FAM153A: variants seen among roughly 807,000 people sequenced by gnomAD.
FAM153A encodes family with sequence similarity 153 member A.
In FAM153A, 12 loss-of-function variants were observed where a neutral mutation model predicts 48.1. That is an observed-to-expected ratio of 0.25 (90% CI 0.16 to 0.40). The LOEUF (loss-of-function observed/expected upper bound fraction) is 0.40, where lower values mean the gene tolerates loss of function less well. Ranked by LOEUF, FAM153A falls within the 10% of genes least tolerant of loss-of-function variation. The pLI, the probability that FAM153A is intolerant of heterozygous loss-of-function variation, is 1.00. For missense variants in FAM153A, 111 were observed against 345.8 expected (o/e 0.32, Z 5.38); for synonymous variants, 36 against 118.2 (o/e 0.30, Z 4.51).
At chr5:177,739,043 G>A in intron 10 of FAM153A, 70 bp downstream of exon 12, 1 of 1,441,010 alleles carries the variant, frequency 6.9e-7, no homozygotes, top group Non-Finnish European at 9.6e-7. Flanking sequence ...AGAAAACGCA[G>A]GCAAGAACGT....
At chr5:177,754,096 G>A (rs1277744928), upstream of FAM153A, among the ~76,000 whole-genome samples, 1 of 151,788 alleles carries the variant, frequency 6.6e-6, no homozygotes, top group Non-Finnish European at 1.5e-5. Flanking sequence ...GCCAAGGAAA[G>A]GGATGACAGG....
chr5:177,702,579 T>C, the FAM153A span, among the ~76,000 whole-genome samples: 2 of 151,832 alleles, frequency 1.3e-5, no homozygotes, highest in Non-Finnish European at 2.9e-5. Context: ...GGGAAAAGCA[T>C]AGAAGACATT....
At chr5:177,734,688 T>C (rs1052059719) in intron 13 of FAM153A, among the ~76,000 whole-genome samples, 175 bp downstream of exon 15, 2 of 149,498 alleles carry the variant, frequency 1.3e-5, no homozygotes, top group Non-Finnish European at 2.9e-5. Flanking sequence ...GCTGTCATTT[T>C]CTCCCACTGT....
rs542578310 is a variant in FAM153A, at chr5:177,769,675, A to G, written c.-57+10774T>C. ...AGCTCAATGTGTTACTCTGGATACT[A>G]CTCTTCTGGGGAAGGTGCTGGGTGG... On this transcript the variant is annotated intron_variant, in intron 1 of 8. Coordinates refer to the FAM153A transcript ENST00000393518. Among the ~76,000 whole-genome samples the G allele has an allele frequency of 6.4e-3, 608 of 95,024 alleles. 211 individuals carry two copies. The highest frequency in any genetic ancestry group is 7.0e-3 in the Non-Finnish European group (324 of 46,130). The allele number at this position is 95,024 out of a possible 152,430, so 62.3% of individuals were successfully genotyped here.
chr5:177,711,537 T>C lies in FAM153A; in HGVS notation c.*3025A>G, dbSNP rs181196751. 5.8e-4 allele frequency: 88 copies of C among 152,122 alleles called. 2 individuals are homozygous for C. The highest frequency in any genetic ancestry group is 2.1e-3 in the African/African-American group (85 of 41,358). The allele number at this position is 152,122 out of a possible 1,614,324, so 9.4% of individuals were successfully genotyped here. A position where few individuals can be genotyped will look rare whatever the true frequency, so the allele number is the denominator to read the frequency against. On this transcript the variant is annotated 3_prime_UTR_variant and NMD_transcript_variant, in exon 27 of 27. Transcript: ENST00000360669. ...ATTGTTAGACGATTATAAAAATGGT[T>C]ATAGAATTACATGCTGTAATTCCTC...
At chr5:177,781,213 C>T (rs1769612603), upstream of FAM153A, among the ~76,000 whole-genome samples, 1 of 123,538 alleles carries the variant, frequency 8.1e-6, no homozygotes, top group Non-Finnish European at 1.7e-5. Context: ...ATTCTCCTGC[C>T]TCAGCCTCCG....
At chr5:177,716,994 T>TGTGTGTGTGC (rs1554136879) in intron 24 of FAM153A, among the ~76,000 whole-genome samples, 1 of 150,852 alleles carries the variant, frequency 6.6e-6, no homozygotes, top group Non-Finnish European at 1.5e-5. Context: ...TGTGTGTGTG[T>TGTGTGTGTGC]GTGTGTAGAG....
At chr5:177,709,226 C>T (rs1027944423), downstream of FAM153A, among the ~76,000 whole-genome samples, 9 of 140,426 alleles carry the variant, frequency 6.4e-5, no homozygotes, top group Non-Finnish European at 1.4e-4. Context: ...TGCTTCACTG[C>T]GTAAAAAACA....
At chr5:177,761,433 C>A (rs1768308747) in intron 1 of FAM153A, among the ~76,000 whole-genome samples, 1 of 152,064 alleles carries the variant, frequency 6.6e-6, no homozygotes, top group African/African-American at 2.4e-5. Context: ...CCTCCCCTGG[C>A]CGACTACATC....
downstream of FAM153A, among the ~76,000 whole-genome samples, chr5:177,704,303 CATGGAGG>C (rs1757685813): frequency 1.5e-5 from 1 of 68,080 alleles, no homozygotes. Context: ...GTGATTGGAC[CATGGAGG>C]CGGTTTCTCT....
At chr5:177,697,163 G>A in the FAM153A span, among the ~76,000 whole-genome samples, 18,206 of 150,474 alleles carry the variant, frequency 0.12, 1,419 homozygotes, top group East Asian at 0.34. Context: ...TCAAAGAAGT[G>A]CATTTTTTGT....
chr5:177,753,793 G>A (rs894757446), upstream of FAM153A, among the ~76,000 whole-genome samples: 4 of 151,692 alleles, frequency 2.6e-5, no homozygotes, highest in Non-Finnish European at 4.4e-5. Context: ...TTCATCACAA[G>A]TTTTAAGAAC....
chr5:177,697,154 CAAA>C, the FAM153A span, among the ~76,000 whole-genome samples: 2 of 150,722 alleles, frequency 1.3e-5, no homozygotes, highest in Admixed American at 6.6e-5. Flanking sequence ...TTTATTGTAT[CAAA>C]GAAGTGCATT....
At chr5:177,761,067 G>A (rs978819882) in intron 1 of FAM153A, among the ~76,000 whole-genome samples, 1 of 151,474 alleles carries the variant, frequency 6.6e-6, no homozygotes, top group Non-Finnish European at 1.5e-5. Flanking sequence ...ACAGCAGGAG[G>A]TTGGAATCAT....
At chr5:177,723,418 T>C (rs1761578751) in exon 21 of FAM153A, 1 of 143,450 alleles carries the variant, frequency 7.0e-6, no homozygotes, top group East Asian at 2.2e-4. Flanking sequence ...CGCTAAATCA[T>C]GTCCTCAAAC....
downstream of FAM153A, among the ~76,000 whole-genome samples, chr5:177,709,845 T>C (rs1207509415): frequency 8.4e-6 from 1 of 119,568 alleles, no homozygotes; most frequent in Non-Finnish European, 1.7e-5. Context: ...CTAATTTTTA[T>C]AGTGACAGGT....
intron 14 of FAM153A, among the ~76,000 whole-genome samples, chr5:177,732,872 C>G (rs1334153398): frequency 6.7e-6 from 1 of 150,128 alleles, no homozygotes; most frequent in African/African-American, 2.5e-5. Context: ...CTAAAATATC[C>G]TATGTATTCA....
exon 27 of FAM153A, chr5:177,711,873 A>AC (rs1452033866): frequency 1.3e-5 from 2 of 151,902 alleles, no homozygotes; most frequent in African/African-American, 4.9e-5. Context: ...GTTGGACTTG[A>AC]CCAGGTGACT....
At chr5:177,712,346 C>A (rs1758614846) in exon 27 of FAM153A, 1 of 151,998 alleles carries the variant, frequency 6.6e-6, no homozygotes, top group East Asian at 1.9e-4. Context: ...GTGGCATGCG[C>A]CTGTAATTGC....
Sources: gnomAD v4.1 joint callset for allele counts (sites outside exome capture counted in the v4.1 genomes callset) on GRCh38, gnomAD v4.1.1 for gene constraint, MANE v1.5 for transcripts, NCBI Gene and HGNC (gene_info 2026-07-23, HGNC 2026-07-21) for gene names.